FAM168A: variants seen among roughly 807,000 people sequenced by gnomAD.
FAM168A encodes protein FAM168A.
Under a neutral mutation model 28.5 loss-of-function variants are expected in FAM168A, and 3 were observed. That is an observed-to-expected ratio of 0.11 (90% CI 0.05 to 0.27). FAM168A has a LOEUF of 0.27. Ranked by LOEUF, FAM168A falls within the 10% of genes least tolerant of loss-of-function variation. The pLI, the probability that FAM168A is intolerant of heterozygous loss-of-function variation, is 1.00. For synonymous variants in FAM168A, 122 were observed against 124.2 expected, an observed-to-expected ratio of 0.98 and a Z score of 0.12; for missense variants, 222 against 311.5, an observed-to-expected ratio of 0.71 and a Z score of 2.16.
intron 1 of FAM168A, among the ~76,000 whole-genome samples, chr11:73,496,059 T>C (rs1854866366): frequency 1.3e-5 from 2 of 152,180 alleles, no homozygotes; most frequent in Non-Finnish European, 2.9e-5. Flanking sequence ...AAAGAAAATG[T>C]TGTATACACA....
intron 1 of FAM168A, among the ~76,000 whole-genome samples, chr11:73,526,151 T>C (rs1943443699): frequency 6.6e-6 from 1 of 151,606 alleles, no homozygotes; most frequent in East Asian, 1.9e-4. Context: ...ATACAAAGAG[T>C]CTCCACAAAA....
intron 1 of FAM168A, among the ~76,000 whole-genome samples, chr11:73,517,389 A>AC (rs112583556): frequency 6.7e-6 from 1 of 149,802 alleles, no homozygotes; most frequent in Non-Finnish European, 1.5e-5. Context: ...CCCAATTTCC[A>AC]CCCCCCTTCC....
intron 2 of FAM168A, among the ~76,000 whole-genome samples, chr11:73,468,105 C>T (rs377459899): frequency 2.0e-5 from 3 of 152,174 alleles, no homozygotes; most frequent in South Asian, 4.1e-4. Flanking sequence ...AAGCTTAACA[C>T]ACTGATCATC....
intron 2 of FAM168A, among the ~76,000 whole-genome samples, chr11:73,465,767 C>T (rs1458824178): frequency 1.3e-5 from 2 of 152,152 alleles, no homozygotes; most frequent in East Asian, 1.9e-4. Flanking sequence ...ACATTCAGTT[C>T]ATAGTATATA....
At chr11:73,500,507 C>T (rs886463814) in intron 1 of FAM168A, among the ~76,000 whole-genome samples, 3 of 152,140 alleles carry the variant, frequency 2.0e-5, no homozygotes, top group African/African-American at 4.8e-5. Flanking sequence ...ATCCACCCAC[C>T]TTGGCCTCCC....
intron 1 of FAM168A, among the ~76,000 whole-genome samples, chr11:73,564,124 C>A (rs546476801): frequency 6.6e-6 from 1 of 152,156 alleles, no homozygotes; most frequent in East Asian, 1.9e-4. Flanking sequence ...TTACAAAAGT[C>A]CTGAACATTC....
chr11:73,545,642 C>T (rs1200212706), intron 1 of FAM168A, among the ~76,000 whole-genome samples: 1 of 142,880 alleles, frequency 7.0e-6, no homozygotes, highest in African/African-American at 2.6e-5. Context: ...TAATCTTGGG[C>T]TTATTTTGGA....
At chr11:73,469,374 C>T (rs1313094705) in intron 1 of FAM168A, among the ~76,000 whole-genome samples, 2 of 152,204 alleles carry the variant, frequency 1.3e-5, no homozygotes, top group African/African-American at 2.4e-5. Flanking sequence ...CAAACAATTC[C>T]TTCCTAACTA....
intron 4 of FAM168A, 76 bp from the exon 5 acceptor site, chr11:73,411,612 C>A: frequency 6.7e-7 from 1 of 1,482,160 alleles, no homozygotes; most frequent in Non-Finnish European, 9.3e-7. Context: ...GTCCCAGTCA[C>A]GACTCCCCAG....
In FAM168A at chr11:73,402,559, T is replaced by G. The variant is rs1302890547; in HGVS notation, c.*4204A>C. On this transcript the variant is annotated 3_prime_UTR_variant, in exon 8 of 8. Transcript: ENST00000356467. ...AGGGGTAAGGATGCTCAGAGTCTGG[T>G]TCTGGTCCTCACCCATGGGAAAAGC... The G allele has an allele frequency of 6.6e-6, 1 of 152,186 alleles. No homozygotes were observed. Among genetic ancestry groups the G allele is most frequent in the Non-Finnish European group, 1.5e-5 (1 of 68,042 alleles). 9.4% of individuals were successfully genotyped at this position (152,186 alleles called of 1,614,324 possible).
At chr11:73,556,936 C>A (rs1943898576) in intron 1 of FAM168A, among the ~76,000 whole-genome samples, 1 of 150,828 alleles carries the variant, frequency 6.6e-6, no homozygotes, top group African/African-American at 2.4e-5. Flanking sequence ...GGCTGAGGCA[C>A]AAGAATCACC....
intron 2 of FAM168A, among the ~76,000 whole-genome samples, chr11:73,467,725 C>T (rs1441066501): frequency 6.6e-6 from 1 of 152,114 alleles, no homozygotes; most frequent in Non-Finnish European, 1.5e-5. Context: ...GGCAGAGGAA[C>T]TTAAGTTGCT....
chr11:73,566,638 G>A (rs1188470275), intron 1 of FAM168A, among the ~76,000 whole-genome samples: 1 of 152,166 alleles, frequency 6.6e-6, no homozygotes, highest in African/African-American at 2.4e-5. Flanking sequence ...CACAGGATGA[G>A]CCATCATGAT....
intron 1 of FAM168A, among the ~76,000 whole-genome samples, chr11:73,561,540 T>C (rs1195829509): frequency 6.6e-6 from 1 of 152,124 alleles, no homozygotes; most frequent in Admixed American, 6.6e-5. Context: ...AGATTACTTT[T>C]GTAAACTACT....
chr11:73,475,914 C>T (rs1867881670), intron 1 of FAM168A, among the ~76,000 whole-genome samples: 1 of 152,278 alleles, frequency 6.6e-6, no homozygotes, highest in South Asian at 2.1e-4. Context: ...TGGGGAACAA[C>T]AGCAAATAAT....
intron 1 of FAM168A, among the ~76,000 whole-genome samples, chr11:73,496,982 A>G (rs1590816193): frequency 6.6e-6 from 1 of 152,218 alleles, no homozygotes; most frequent in East Asian, 1.9e-4. Context: ...GGGAATCAGA[A>G]TTTTACACAA....
intron 1 of FAM168A, among the ~76,000 whole-genome samples, chr11:73,484,302 C>T (rs190386422): frequency 5.9e-5 from 9 of 152,204 alleles, no homozygotes; most frequent in African/African-American, 1.9e-4. Flanking sequence ...ATGAGGAACA[C>T]TCTCCTCTGA....
chr11:73,518,144 G>A lies in FAM168A; in HGVS notation c.-18-49652C>T, dbSNP rs372637301. Among the ~76,000 whole-genome samples the A allele has an allele frequency of 1.2e-4, 19 of 152,306 alleles. No individual in the cohort carries two copies. The East Asian group carries it at 1.7e-3, about 14-fold the overall frequency. On this transcript the variant is annotated intron_variant, in intron 1 of 7. Transcript: ENST00000356467. ...GCTCTGAACTCCTGACTTTTACACCGTAGTGGTGACTATCCAGGGATATTA... is the reference window on the plus strand; with the variant it reads ...GCTCTGAACTCCTGACTTTTACACCATAGTGGTGACTATCCAGGGATATTA...
At chr11:73,580,002 T>C (rs754857736) in intron 1 of FAM168A, among the ~76,000 whole-genome samples, 1 of 152,244 alleles carries the variant, frequency 6.6e-6, no homozygotes, top group Non-Finnish European at 1.5e-5. Context: ...TTTGCCTTGA[T>C]ACATGTTTAT....
Sources: allele counts gnomAD v4.1 joint callset (sites outside exome capture counted in the v4.1 genomes callset), GRCh38; gene constraint gnomAD v4.1.1; transcripts MANE v1.5; gene names NCBI Gene and HGNC (gene_info 2026-07-23, HGNC 2026-07-21).